The following SMARCA5 variants were observed in gnomAD, a reference collection of about 807,000 sequenced individuals.
The protein encoded by SMARCA5 is SNF2 related chromatin remodeling ATPase 5, also known as SWI/SNF-related matrix-associated actin-dependent regulator of chromatin subfamily A member 5.
SMARCA5 carries 18 observed loss-of-function variants against 140.4 expected under a neutral mutation model. That is an observed-to-expected ratio of 0.13 (90% CI 0.09 to 0.19). The LOEUF is 0.19. Among genes scored for constraint, SMARCA5 ranks in the 10% least tolerant of loss-of-function variants. The pLI is 1.00. For missense variants in SMARCA5, 606 were observed against 1,276.8 expected (o/e 0.47, Z 8.01); for synonymous variants, 449 against 419.6 (o/e 1.07, Z -0.86).
At chr4:143,519,613 C>A (rs1431700321) in intron 2 of SMARCA5, among the ~76,000 whole-genome samples, 1 of 152,012 alleles carries the variant, frequency 6.6e-6, no homozygotes, top group Admixed American at 6.5e-5. Context: ...ACATCATGAT[C>A]TTCACCTGCA....
intron 8 of SMARCA5, among the ~76,000 whole-genome samples, chr4:143,530,074 C>T (rs543030893): frequency 6.3e-4 from 96 of 152,190 alleles, no homozygotes; most frequent in African/African-American, 2.1e-3. Context: ...TGACATTGTT[C>T]GTAAACTTGT....
chr4:143,545,005 C>T (rs1169387808), intron 17 of SMARCA5, among the ~76,000 whole-genome samples, 158 bp downstream of exon 17: 3 of 140,286 alleles, frequency 2.1e-5, no homozygotes, highest in African/African-American at 8.1e-5. Flanking sequence ...TTCAGTGGTG[C>T]GATCTCAGCT....
chr4:143,547,596 G>A (rs1164496034), intron 21 of SMARCA5, 93 bp downstream of exon 21: 1 of 723,822 alleles, frequency 1.4e-6, no homozygotes, highest in Non-Finnish European at 2.4e-6. Context: ...AAGAAGTAAG[G>A]GTTTACAATT....
At position 143,556,706 on chromosome 4, in the gene SMARCA5, C is replaced by T. The variant is rs1399866910; in HGVS notation, c.*3522C>T. 6.6e-6 allele frequency: 1 copy of T among 152,064 alleles called. No homozygotes were observed. Among genetic ancestry groups the T allele is most frequent in the Non-Finnish European group, 1.5e-5 (1 of 68,008 alleles). 9.4% of individuals were successfully genotyped at this position (152,064 alleles called of 1,614,324 possible). A position where few individuals can be genotyped will look rare whatever the true frequency, so the allele number is the denominator to read the frequency against. On this transcript the variant is annotated 3_prime_UTR_variant, in exon 24 of 24. Transcript: ENST00000283131. ...GTCAAGATCAAAGGTGAGGGCATCC[C>T]TCAGATGACAGATAATGGGCAAAAT...
chr4:143,521,641 A>G, intron 3 of SMARCA5, 46 bp downstream of exon 3: 1 of 1,501,610 alleles, frequency 6.7e-7, no homozygotes. Context: ...CTTATTTTCG[A>G]TAGTCTTCAG....
chr4:143,527,900 A>G lies in SMARCA5; in HGVS notation c.834A>G (p.Gly278=), dbSNP rs1242493770. 6.3e-7 allele frequency: 1 copy of G among 1,592,458 alleles called. No homozygotes were observed. The highest frequency in any genetic ancestry group is 8.5e-7 in the Non-Finnish European group (1 of 1,174,684). Reference sequence around the variant, plus strand: ...TTGTCAGAGACGTTTTATTACCGGGAGAATGGGATGTATGTGTAACATCTT... The same window carrying G: ...TTGTCAGAGACGTTTTATTACCGGGGGAATGGGATGTATGTGTAACATCTT... The part of the protein sequence containing the change: ...AAFVRDVLLP[G]EWDVCVTSYE... Residue 278 remains glycine (G), a synonymous_variant, in exon 7 of 24, where the codon GGA becomes GGG. Coordinates refer to ENST00000283131, the MANE Select transcript of SMARCA5 (RefSeq NM_003601.4).
chr4:143,530,565 G>T, intron 9 of SMARCA5, 39 bp downstream of exon 9: 1 of 1,349,314 alleles, frequency 7.4e-7, no homozygotes, highest in African/African-American at 1.5e-5. Flanking sequence ...TATTTATGAT[G>T]GGAAAAAGGA....
chr4:143,546,981 A>C, intron 20 of SMARCA5, 73 bp downstream of exon 20: 1 of 1,433,076 alleles, frequency 7.0e-7, no homozygotes, highest in Non-Finnish European at 9.6e-7. Context: ...ATTCTGAATT[A>C]TGTTGTGATT....
rs548765917 is a variant in SMARCA5, at chr4:143,555,177, G to A, written c.*1993G>A. 1.0e-4 allele frequency: 73 copies of A among 726,710 alleles called. No homozygotes were observed. The African/African-American group carries it at 1.1e-3, about 11-fold the overall frequency. 45.0% of individuals were successfully genotyped at this position (726,710 alleles called of 1,614,324 possible). ...CTGCCTTAGCCACCTTGGTATCGTG[G>A]TTTGGCAAAGTATTGGCCTCTACCA... On this transcript the variant is annotated 3_prime_UTR_variant, in exon 24 of 24. Transcript: ENST00000283131.
chr4:143,549,901 T>G, intron 22 of SMARCA5, 96 bp from the exon 23 acceptor site: 1 of 643,610 alleles, frequency 1.6e-6, no homozygotes, highest in Admixed American at 2.9e-5. Context: ...ATTAGTGGTT[T>G]TATATATTAT....
chr4:143,522,636 A>G (rs961331886), intron 3 of SMARCA5, among the ~76,000 whole-genome samples: 1 of 152,064 alleles, frequency 6.6e-6, no homozygotes, highest in Non-Finnish European at 1.5e-5. Flanking sequence ...ATACTTACGA[A>G]ACTTTGAAGG....
At chr4:143,550,150 CCTTT>C (rs762444573) in intron 23 of SMARCA5, 46 bp downstream of exon 23, 43 of 1,132,608 alleles carry the variant, frequency 3.8e-5, no homozygotes, top group Non-Finnish European at 4.9e-5. Flanking sequence ...GTAAATTTCC[CCTTT>C]CTAAGTATTT....
rs575083607 is a variant in SMARCA5, at chr4:143,547,093, A to G, written c.2653+185A>G. Among the ~76,000 whole-genome samples, 14 of 152,264 alleles carry G rather than the reference A, an allele frequency of 9.2e-5. No homozygotes were observed. The South Asian group carries it at 2.7e-3, about 29-fold the overall frequency. On this transcript the variant is annotated intron_variant, in intron 20 of 23. Transcript: ENST00000283131. ...TGGCGTAATGGTTTCCTTTTTAAAA[A>G]TTTTTTAACCCTAGCTAACTCTAGC...
chr4:143,538,224 TTAGG>T (rs1184171027), intron 11 of SMARCA5, among the ~76,000 whole-genome samples: 1 of 152,132 alleles, frequency 6.6e-6, no homozygotes, highest in Non-Finnish European at 1.5e-5. Flanking sequence ...ACCAGGATTA[TTAGG>T]TGTGTGTTGG....
intron 23 of SMARCA5, 92 bp downstream of exon 23, chr4:143,550,196 C>G (rs549303655): frequency 1.7e-4 from 113 of 654,248 alleles, no homozygotes; most frequent in Middle Eastern, 5.2e-4. Context: ...ATGTGTTAGT[C>G]CCTGTTGTGC....
Position 143,555,203 on chromosome 4 carries a change from C to T in SMARCA5, c.*2019C>T. 3 of 771,048 alleles carry T rather than the reference C, an allele frequency of 3.9e-6. No individual in the cohort carries two copies. Among genetic ancestry groups the T allele is most frequent in the Non-Finnish European group, 6.9e-6 (3 of 433,242 alleles). 47.8% of individuals were successfully genotyped at this position (771,048 alleles called of 1,614,324 possible). A position where few individuals can be genotyped will look rare whatever the true frequency, so the allele number is the denominator to read the frequency against. On this transcript the variant is annotated 3_prime_UTR_variant, in exon 24 of 24. Transcript: ENST00000283131. ...TTTGGCAAAGTATTGGCCTCTACCACCATAGGGCCCAGAGCTTCTGCCTCC... is the reference window on the plus strand; with the variant it reads ...TTTGGCAAAGTATTGGCCTCTACCATCATAGGGCCCAGAGCTTCTGCCTCC...
At chr4:143,548,165 TA>T (rs1737568776) in intron 22 of SMARCA5, 25 bp downstream of exon 22, 1 of 1,420,156 alleles carries the variant, frequency 7.0e-7, no homozygotes. Flanking sequence ...CTTTTTTGTG[TA>T]ATGTAGCAGA....
At chr4:143,534,240 T>C (rs1181368252) in intron 9 of SMARCA5, among the ~76,000 whole-genome samples, 1 of 152,174 alleles carries the variant, frequency 6.6e-6, no homozygotes, top group Non-Finnish European at 1.5e-5. Context: ...ACTTGCTTTA[T>C]TGAGGTAGTC....
intron 11 of SMARCA5, 85 bp downstream of exon 11, chr4:143,536,763 C>A: frequency 2.2e-6 from 2 of 905,222 alleles, no homozygotes; most frequent in Non-Finnish European, 3.5e-6. Context: ...GAAATGACTG[C>A]TCTGATGCTT....
Sources: gnomAD v4.1 joint callset for allele counts (sites outside exome capture counted in the v4.1 genomes callset) on GRCh38, gnomAD v4.1.1 for gene constraint, MANE v1.5 for transcripts, NCBI Gene and HGNC (gene_info 2026-07-23, HGNC 2026-07-21) for gene names.